PRRC2C: variants seen among roughly 807,000 people sequenced by gnomAD.
PRRC2C encodes the protein proline rich coiled-coil 2C.
PRRC2C carries 72 observed loss-of-function variants against 317.2 expected under a neutral mutation model. The observed-to-expected ratio is 0.23, with a 90% confidence interval of 0.19 to 0.28. PRRC2C has a LOEUF of 0.28. PRRC2C is among the 10% of genes least tolerant of loss of function. The pLI, the probability that PRRC2C is intolerant of heterozygous loss-of-function variation, is 1.00. For synonymous variants in PRRC2C, 1,296 were observed against 1,205.9 expected, an observed-to-expected ratio of 1.07 and a Z score of -1.55; for missense variants, 3,074 against 3,459.7, an observed-to-expected ratio of 0.89 and a Z score of 2.80.
intron 12 of PRRC2C, 106 bp from the exon 13 acceptor site, chr1:171,535,322 A>G (rs891188653): frequency 1.0e-6 from 1 of 960,562 alleles, no homozygotes; most frequent in African/African-American, 1.7e-5. Context: ...TGTCGAGGAT[A>G]TTTTCTTCCT....
chr1:171,535,329 T>C (rs930182302), intron 12 of PRRC2C, 99 bp from the exon 13 acceptor site: 1 of 1,047,938 alleles, frequency 9.5e-7, no homozygotes, highest in Admixed American at 3.1e-5. Context: ...GATATTTTCT[T>C]CCTCATTAAC....
intron 10 of PRRC2C, 87 bp downstream of exon 10, chr1:171,525,052 A>G: frequency 1.8e-6 from 2 of 1,099,748 alleles, no homozygotes; most frequent in Non-Finnish European, 2.4e-6. Context: ...TATTCTTACC[A>G]CAGAGTGGAA....
rs1317764714 is a variant in PRRC2C, at chr1:171,561,051, T to C, written c.6065T>C (p.Val2022Ala). 6 of 1,608,450 alleles carry C rather than the reference T, an allele frequency of 3.7e-6. No homozygotes were observed. Among genetic ancestry groups the C allele is most frequent in the Non-Finnish European group, 5.1e-6 (6 of 1,174,916 alleles). ...GPISPPQPPS[V>A]SAWNKPLTSF... ...ATTAGTCCACCACAGCCACCTTCAG[T>C]CAGTGCATGGAATAAGCCCTTAACA... The change falls in exon 20 of 35, where the codon GTC (valine) becomes GCC (alanine). Residue 2022 changes from valine to alanine, a missense_variant. Val to Ala is a moderately conservative substitution (Grantham distance 64, BLOSUM62 0). Transcript: ENST00000647382.
chr1:171,557,210 G>A, intron 18 of PRRC2C, 30 bp from the exon 19 acceptor site: 1 of 1,513,968 alleles, frequency 6.6e-7, no homozygotes, highest in Non-Finnish European at 8.8e-7. Context: ...CTGCATTATT[G>A]ACAAAAATGG....
At chr1:171,520,838 C>T (rs1673416399) in intron 6 of PRRC2C, among the ~76,000 whole-genome samples, 1 of 137,560 alleles carries the variant, frequency 7.3e-6, no homozygotes, top group African/African-American at 2.7e-5. Flanking sequence ...CGGAGTTTCG[C>T]TCTGTTGCCA....
At chr1:171,551,296 A>G (rs984745948) in intron 18 of PRRC2C, among the ~76,000 whole-genome samples, 1 of 151,990 alleles carries the variant, frequency 6.6e-6, no homozygotes. Flanking sequence ...TCCTTTGCCC[A>G]CTTTTTGATG....
chr1:171,509,879 T>C (rs1670988513), intron 1 of PRRC2C: 1 of 129,722 alleles, frequency 7.7e-6, no homozygotes, highest in Non-Finnish European at 1.6e-5. Flanking sequence ...TGAGACGGAG[T>C]CTTGGTCTGT....
rs774181702 is a variant in PRRC2C, at chr1:171,540,516, C to A, written c.3050C>A (p.Pro1017His). 21 of 1,612,730 alleles carry A rather than the reference C, an allele frequency of 1.3e-5. No homozygotes were observed. In the South Asian group the frequency reaches 2.3e-4, roughly 18 times the overall value. Reference sequence around the variant, plus strand: ...GATAGACCTGTGAGAAGATCAGGTCCCATTAAAAAACCTGTACTTAGAGAT... The same window carrying A: ...GATAGACCTGTGAGAAGATCAGGTCACATTAAAAAACCTGTACTTAGAGAT... The part of the protein sequence containing the change: ...VNDRPVRRSG[P>H]IKKPVLRDMK... The change falls in exon 16 of 35, where the codon CCC becomes CAC. Residue 1017 changes from proline to histidine, a missense_variant. By Grantham distance (77) the Pro-to-His change is moderately conservative. Transcript: ENST00000647382.
intron 20 of PRRC2C, among the ~76,000 whole-genome samples, chr1:171,565,811 T>C (rs1430010962): frequency 1.3e-5 from 2 of 151,922 alleles, no homozygotes; most frequent in Admixed American, 6.6e-5. Flanking sequence ...AATCACAAAG[T>C]TTTTATTATA....
intron 18 of PRRC2C, among the ~76,000 whole-genome samples, chr1:171,555,195 G>C (rs532416538): frequency 2.6e-5 from 4 of 151,776 alleles, no homozygotes; most frequent in Admixed American, 6.6e-5. Context: ...TTCTCTTCTC[G>C]CTTCATTTCA....
chr1:171,513,791 C>T (rs1317354482), intron 3 of PRRC2C, among the ~76,000 whole-genome samples: 1 of 152,078 alleles, frequency 6.6e-6, no homozygotes, highest in African/African-American at 2.4e-5. Flanking sequence ...TATCTCTTAT[C>T]AAAATTCTAT....
intron 30 of PRRC2C, among the ~76,000 whole-genome samples, chr1:171,586,063 A>ATGTTTTTTTTT (rs1649855149): frequency 2.4e-5 from 2 of 83,032 alleles, no homozygotes; most frequent in Non-Finnish European, 4.3e-5. Flanking sequence ...TCAGGTGTTG[A>ATGTTTTTTTTT]TTTTTTTTTT....
Position 171,557,918 on chromosome 1 carries a change from G to T in PRRC2C, c.5806G>T (p.Ala1936Ser), listed in dbSNP as rs776730692. The T allele has an allele frequency of 1.8e-5, 28 of 1,571,840 alleles. No individual in the cohort carries two copies. The highest frequency in any genetic ancestry group is 2.4e-5 in the Non-Finnish European group (28 of 1,159,196). Residue 1936 changes from alanine (A) to serine (S), a missense_variant, in exon 19 of 35, where the codon GCA becomes TCA. Ala to Ser is a moderately conservative substitution (Grantham distance 99). This residue lies in a region of PRRC2C where 640 missense variants were observed against 676.1 expected (regional missense o/e 0.95). Transcript: ENST00000647382. ...PAPPAPAQTQ[A>S]QTHKPVQNPL... The stretch of plus-strand genomic sequence containing the variant: ...CCCACCTGCCCCAGCCCAGACTCAG[G>T]CACAGACCCACAAACCAGTCCAGAA...
At chr1:171,567,365 TTGAC>T (rs1683866592) in intron 22 of PRRC2C, among the ~76,000 whole-genome samples, 1 of 152,220 alleles carries the variant, frequency 6.6e-6, no homozygotes, top group African/African-American at 2.4e-5. Flanking sequence ...GATATGTTGA[TTGAC>T]CATGGGAACA....
chr1:171,522,894 G>T (rs1673866710), intron 7 of PRRC2C, among the ~76,000 whole-genome samples: 1 of 146,722 alleles, frequency 6.8e-6, no homozygotes, highest in Non-Finnish European at 1.5e-5. Flanking sequence ...TATTATATGA[G>T]ACTTGAACAT....
intron 1 of PRRC2C, among the ~76,000 whole-genome samples, chr1:171,486,285 C>A (rs1179869975): frequency 6.6e-6 from 1 of 151,934 alleles, no homozygotes; most frequent in Non-Finnish European, 1.5e-5. Context: ...TTCGGGGAAT[C>A]AAGACCAACC....
chr1:171,586,910 T>C, intron 30 of PRRC2C, 93 bp from the exon 31 acceptor site: 1 of 1,002,498 alleles, frequency 1.0e-6, no homozygotes. Flanking sequence ...GAAATCTTAC[T>C]CAAAAGTATT....
rs368181861 is a variant in PRRC2C, at chr1:171,579,485, T to C, written c.7272+19T>C. 1.3e-4 allele frequency: 212 copies of C among 1,611,312 alleles called. 1 individual carries two copies. In the African/African-American group the frequency reaches 2.5e-3, roughly 19 times the overall value. On this transcript the variant is annotated intron_variant, in intron 27 of 34. Transcript: ENST00000647382. ...CTCTCAGGTAATATCAAAGACTTCTTCCATCCTGTATTTGTTCCTTCGCAT... is the reference window on the plus strand; with the variant it reads ...CTCTCAGGTAATATCAAAGACTTCTCCCATCCTGTATTTGTTCCTTCGCAT...
At chr1:171,551,179 A>C (rs911183078) in intron 18 of PRRC2C, among the ~76,000 whole-genome samples, 4 of 152,158 alleles carry the variant, frequency 2.6e-5, no homozygotes, top group African/African-American at 9.7e-5. Flanking sequence ...GTGAGATGGT[A>C]TCTTATTGTG....
Sources: gnomAD v4.1 joint callset for allele counts (sites outside exome capture counted in the v4.1 genomes callset) on GRCh38, gnomAD v4.1.1 for gene constraint, gnomAD v4.1.1 regional missense constraint, MANE v1.5 for transcripts, NCBI Gene and HGNC (gene_info 2026-07-23, HGNC 2026-07-21) for gene names.